Variants in SYTL2 observed in about 807,000 individuals in gnomAD.
SYTL2 encodes synaptotagmin-like protein 2.
In SYTL2, 165 loss-of-function variants were observed where a neutral mutation model predicts 198.7. That is an observed-to-expected ratio of 0.83 (90% CI 0.73 to 0.94). SYTL2 has a LOEUF of 0.94. SYTL2 is among the 40% of genes least tolerant of loss of function. The probability of loss-of-function intolerance (pLI) is 0.00; values close to 1 mark genes in which losing one functional copy is unlikely to be tolerated. For missense variants in SYTL2, 2,835 were observed against 2,582.8 expected, an observed-to-expected ratio of 1.10 and a Z score of -2.12; for synonymous variants, 966 against 917.7, an observed-to-expected ratio of 1.05 and a Z score of -0.95.
chr11:85,698,153 T>A, intron 17 of SYTL2, 75 bp from the exon 18 acceptor site: 1 of 976,416 alleles, frequency 1.0e-6, no homozygotes, highest in Non-Finnish European at 1.6e-6. Context: ...GATGTCAGCC[T>A]AAAAATGTTC....
At chr11:85,802,732 A>T (rs1371472948) in intron 1 of SYTL2, among the ~76,000 whole-genome samples, 1 of 152,244 alleles carries the variant, frequency 6.6e-6, no homozygotes, top group Non-Finnish European at 1.5e-5. Flanking sequence ...ACTCTATGCA[A>T]GACACAAAGT....
At chr11:85,697,659 G>A (rs2083596087) in intron 18 of SYTL2, among the ~76,000 whole-genome samples, 1 of 152,188 alleles carries the variant, frequency 6.6e-6, no homozygotes, top group Admixed American at 6.5e-5. Flanking sequence ...GAGTCAAGGG[G>A]TGTGACATCT....
chr11:85,743,290 A>G (rs1279516723), intron 4 of SYTL2, among the ~76,000 whole-genome samples: 2 of 152,218 alleles, frequency 1.3e-5, no homozygotes, highest in African/African-American at 2.4e-5. Flanking sequence ...TGAGTAAGGT[A>G]GTAGTTTCTA....
Position 85,711,291 on chromosome 11 carries a change from T to A in SYTL2, c.5626-59A>T, listed in dbSNP as rs1376458444. 3.2e-6 allele frequency: 5 copies of A among 1,572,624 alleles called. No homozygotes were observed. The East Asian group carries it at 9.0e-5, about 28-fold the overall frequency. On this transcript the variant is annotated intron_variant, in intron 12 of 19. Transcript: ENST00000359152. ...AATTCAGAATGAGTCAAGATCAGAATCTCTGTTTAGGCAAAGATGAGATTT... is the reference window on the plus strand; with the variant it reads ...AATTCAGAATGAGTCAAGATCAGAAACTCTGTTTAGGCAAAGATGAGATTT...
chr11:85,734,065 G>T lies in SYTL2; in HGVS notation c.1264C>A (p.His422Asn). ...TSGSFPINGL[H>N]SHSEVLTARP... ...GCAGTTAAAACTTCTGAATGAGAAT[G>T]CAGCCCATTAATTGGAAAAGAACCA... is the stretch of plus-strand genomic sequence containing the variant. Residue 422 changes from histidine (H) to asparagine (N), a missense_variant, in exon 7 of 20, where the codon CAT (histidine) becomes AAT (asparagine). Physicochemically the swap from His to Asn is moderately conservative, Grantham distance 68 (BLOSUM62 1). This residue lies in a region of SYTL2 where 2,645 missense variants were observed against 2,381.7 expected (regional missense o/e 1.11). Coordinates refer to ENST00000359152, the MANE Select transcript of SYTL2 (RefSeq NM_206927.4). 3 of 1,614,096 alleles carry T rather than the reference G, an allele frequency of 1.9e-6. No homozygotes were observed. The South Asian group carries it at 3.3e-5, about 18-fold the overall frequency.
At chr11:85,830,923 C>T in the SYTL2 span, among the ~76,000 whole-genome samples, 9 of 152,190 alleles carry the variant, frequency 5.9e-5, no homozygotes, top group East Asian at 1.5e-3. Flanking sequence ...TTAGGGTCAG[C>T]TTTGGGGCAA....
chr11:85,842,168 G>C, the SYTL2 span, among the ~76,000 whole-genome samples: 6 of 152,156 alleles, frequency 3.9e-5, no homozygotes, highest in Non-Finnish European at 7.4e-5. Context: ...GCTACAAAGG[G>C]GAGGTCAAGT....
intron 4 of SYTL2, 149 bp downstream of exon 4, chr11:85,745,488 C>T (rs1052655234): frequency 9.3e-5 from 67 of 716,798 alleles, no homozygotes; most frequent in African/African-American, 2.3e-4. Flanking sequence ...TTATCTGCAT[C>T]GGGGCCCAGA....
intron 9 of SYTL2, among the ~76,000 whole-genome samples, chr11:85,720,378 A>G (rs1166721361): frequency 1.3e-5 from 2 of 152,200 alleles, no homozygotes; most frequent in Non-Finnish European, 1.5e-5. Context: ...TCCGTGTAAT[A>G]CTAAAAAGGT....
At chr11:85,802,501 T>TC (rs2092905110) in intron 1 of SYTL2, among the ~76,000 whole-genome samples, 2 of 152,170 alleles carry the variant, frequency 1.3e-5, no homozygotes, top group Non-Finnish European at 2.9e-5. Context: ...CTTCCTACTT[T>TC]CCCTGGCAGT....
Position 85,698,013 on chromosome 11 carries a change from G to A in SYTL2, c.6334C>T (p.Leu2112=). 1 of 1,613,506 alleles carries A rather than the reference G, an allele frequency of 6.2e-7. No individual in the cohort carries two copies. Among genetic ancestry groups the A allele is most frequent in the Admixed American group, 1.7e-5 (1 of 60,020 alleles). ...AAAGAATTTAGATGACTTCCCCTTA[G>A]CAGTGGTAGATCAAGGCATTCCTTC... ...WVKECLDLPL[L]RGSHLNSFVK... Residue 2112 remains leucine, a synonymous_variant, in exon 18 of 20, where the codon CTA becomes TTA. Coordinates refer to ENST00000359152, the MANE Select transcript of SYTL2 (RefSeq NM_206927.4).
chr11:85,776,386 T>C (rs987379325), intron 1 of SYTL2, among the ~76,000 whole-genome samples: 10 of 152,196 alleles, frequency 6.6e-5, no homozygotes, highest in African/African-American at 2.2e-4. Flanking sequence ...TCTCCTAATG[T>C]TATCCCTCCC....
At chr11:85,771,194 G>A (rs2092347910) in intron 1 of SYTL2, among the ~76,000 whole-genome samples, 1 of 152,168 alleles carries the variant, frequency 6.6e-6, no homozygotes, top group South Asian at 2.1e-4. Context: ...AAAGTGTTGA[G>A]AGCATCTCTC....
In SYTL2 at chr11:85,696,260, C is replaced by T. The variant is rs759808766; in HGVS notation, c.6497G>A (p.Cys2166Tyr). ...ATGGTCCCAGACAGTAAGCTCTACA[C>T]AGGCTTCCATCAGATCTTCAGGCCT... Reference protein sequence around the residue: ...GFRPEDLMEACVELTVWDHYK... With the variant: ...GFRPEDLMEAYVELTVWDHYK... Residue 2166 changes from cysteine (C) to tyrosine (Y), a missense_variant, in exon 19 of 20, where the codon TGT (cysteine) becomes TAT (tyrosine). By Grantham distance (194) the Cys-to-Tyr change is radical (BLOSUM62 -2). Coordinates refer to ENST00000359152, the MANE Select transcript of SYTL2 (RefSeq NM_206927.4). The T allele has an allele frequency of 2.5e-6, 4 of 1,614,152 alleles. No homozygotes were observed. In the South Asian group the frequency reaches 4.4e-5, roughly 18 times the overall value.
intron 17 of SYTL2, among the ~76,000 whole-genome samples, 164 bp from the exon 18 acceptor site, chr11:85,698,242 A>G (rs145954409): frequency 1.6e-4 from 25 of 152,336 alleles, no homozygotes; most frequent in South Asian, 1.2e-3. Flanking sequence ...AAGTCTTCAT[A>G]ATCTGGTTTT....
At chr11:85,717,645 A>G (rs1423134228) in intron 10 of SYTL2, 115 bp from the exon 11 acceptor site, 5 of 866,442 alleles carry the variant, frequency 5.8e-6, no homozygotes, top group Non-Finnish European at 7.8e-6. Flanking sequence ...TACATCTGAC[A>G]GGTTTTCATC....
chr11:85,790,102 T>C lies in SYTL2; in HGVS notation c.-390+20852A>G, dbSNP rs910007615. Among the ~76,000 whole-genome samples the C allele has an allele frequency of 9.2e-5, 14 of 152,094 alleles. No homozygotes were observed. The East Asian group carries it at 2.3e-3, about 25-fold the overall frequency. On this transcript the variant is annotated intron_variant, in intron 1 of 19. Coordinates refer to ENST00000359152, the MANE Select transcript of SYTL2 (RefSeq NM_206927.4). ...ACACCTTATACACACAGCCTGAAGGTAATTTTTTATAATATTTTTAATACT... is the reference window on the plus strand; with the variant it reads ...ACACCTTATACACACAGCCTGAAGGCAATTTTTTATAATATTTTTAATACT...
At chr11:85,737,343 T>C (rs150171132) in intron 5 of SYTL2, among the ~76,000 whole-genome samples, 98 of 152,314 alleles carry the variant, frequency 6.4e-4, no homozygotes, top group Non-Finnish European at 1.2e-3. Flanking sequence ...TTTTACCCTC[T>C]AGGGCAAGAA....
chr11:85,756,258 T>C (rs2091859241), intron 2 of SYTL2, among the ~76,000 whole-genome samples: 1 of 152,144 alleles, frequency 6.6e-6, no homozygotes, highest in Non-Finnish European at 1.5e-5. Context: ...AGGCACACCA[T>C]TTGCGGAGAA....
Sources: gnomAD v4.1 joint callset for allele counts (sites outside exome capture counted in the v4.1 genomes callset) on GRCh38, gnomAD v4.1.1 for gene constraint, gnomAD v4.1.1 regional missense constraint, MANE v1.5 for transcripts, NCBI Gene and HGNC (gene_info 2026-07-23, HGNC 2026-07-21) for gene names.